Variants in CFAP58 observed in about 807,000 individuals in gnomAD.
The protein encoded by CFAP58 is cilia- and flagella-associated protein 58.
In CFAP58, 88 loss-of-function variants were observed where a neutral mutation model predicts 119.5. The observed-to-expected ratio is 0.74, with a 90% CI of 0.62 to 0.88. CFAP58 has a LOEUF of 0.88. Among genes scored for constraint, CFAP58 ranks in the 40% least tolerant of loss-of-function variants. The pLI is 0.00. For missense variants in CFAP58, 990 were observed against 1,021.2 expected (o/e 0.97, Z 0.42); for synonymous variants, 365 against 366.3 (o/e 1.00, Z 0.04).
intron 9 of CFAP58, among the ~76,000 whole-genome samples, chr10:104,390,965 TA>T (rs2012027956): frequency 6.6e-6 from 1 of 152,174 alleles, no homozygotes; most frequent in Non-Finnish European, 1.5e-5. Context: ...TAAGCACCTG[TA>T]AAAAAATTTT....
In CFAP58 at chr10:104,407,425, C is replaced by G. The variant is rs187707088; in HGVS notation, c.2256+632C>G. Among the ~76,000 whole-genome samples, 58 of 152,284 alleles carry G rather than the reference C, an allele frequency of 3.8e-4. No individual in the cohort carries two copies. In the East Asian group the frequency reaches 9.7e-3, roughly 25 times the overall value. ...AGGAAGCAGGTGTGGTCATCCCCAG[C>G]TGATGACCGAGGAAGTCAGCGCCCA... On this transcript the variant is annotated intron_variant, in intron 15 of 17. Coordinates refer to ENST00000369704, the MANE Select transcript of CFAP58 (RefSeq NM_001008723.2).
chr10:104,445,920 C>A (rs1169069163), intron 15 of CFAP58, among the ~76,000 whole-genome samples: 1 of 152,186 alleles, frequency 6.6e-6, no homozygotes, highest in Admixed American at 6.5e-5. Context: ...ATGGTCTTTT[C>A]AGTTTAAGAC....
intron 15 of CFAP58, among the ~76,000 whole-genome samples, chr10:104,430,159 A>G (rs945565614): frequency 6.6e-6 from 1 of 152,202 alleles, no homozygotes; most frequent in African/African-American, 2.4e-5. Flanking sequence ...ACAATAGTTA[A>G]AAGACACGAA....
chr10:104,439,400 CCA>C (rs1169673978), intron 15 of CFAP58, among the ~76,000 whole-genome samples: 1 of 151,752 alleles, frequency 6.6e-6, no homozygotes, highest in Non-Finnish European at 1.5e-5. Flanking sequence ...TCAAAAAACC[CCA>C]GTCATTTTAA....
chr10:104,447,919 A>G (rs770357606), intron 16 of CFAP58, 102 bp downstream of exon 16: 24 of 1,395,726 alleles, frequency 1.7e-5, no homozygotes, highest in Non-Finnish European at 2.3e-5. Flanking sequence ...CAGTCTCTCA[A>G]TGCCACGATC....
At chr10:104,431,577 C>T (rs2012848396) in intron 15 of CFAP58, among the ~76,000 whole-genome samples, 1 of 151,986 alleles carries the variant, frequency 6.6e-6, no homozygotes, top group Non-Finnish European at 1.5e-5. Context: ...CTCTATTCAC[C>T]CAAAATAGTA....
chr10:104,353,801 A>C, upstream of CFAP58: 5 of 1,466,732 alleles, frequency 3.4e-6, no homozygotes, highest in Non-Finnish European at 4.7e-6. Context: ...CGGGCGATAG[A>C]GACAGCGCGT....
At chr10:104,443,138 A>G (rs920484696) in intron 15 of CFAP58, among the ~76,000 whole-genome samples, 2 of 152,228 alleles carry the variant, frequency 1.3e-5, no homozygotes, top group Admixed American at 6.5e-5. Flanking sequence ...TCAGTTGGAG[A>G]GAAATAATGG....
chr10:104,368,036 C>T (rs1033618817), intron 5 of CFAP58, among the ~76,000 whole-genome samples: 8 of 152,260 alleles, frequency 5.3e-5, no homozygotes, highest in Admixed American at 1.3e-4. Flanking sequence ...GATGTAGCTT[C>T]CGAGCCCCAC....
intron 15 of CFAP58, among the ~76,000 whole-genome samples, chr10:104,421,595 TC>T (rs2012659038): frequency 6.6e-6 from 1 of 152,158 alleles, no homozygotes; most frequent in Non-Finnish European, 1.5e-5. Context: ...TACAGAAAAT[TC>T]CCAGCTCAAT....
rs1041608194 is a variant in CFAP58, at chr10:104,382,356, T to C, written c.1365+2136T>C. The C allele has an allele frequency of 5.4e-6, 3 of 554,224 alleles. No homozygotes were observed. The African/African-American group carries it at 5.6e-5, about 10-fold the overall frequency. 34.3% of individuals were successfully genotyped at this position (554,224 alleles called of 1,614,324 possible). A position where few individuals can be genotyped will look rare whatever the true frequency, so the allele number is the denominator to read the frequency against. On this transcript the variant is annotated intron_variant, in intron 9 of 17. Coordinates refer to ENST00000369704, the MANE Select transcript of CFAP58 (RefSeq NM_001008723.2). ...GCAGCAAATATATTTGAACATAAAA[T>C]GTCATCTGTTGCAGCCTCCAGTTTC...
chr10:104,442,947 A>T (rs932508107), intron 15 of CFAP58, among the ~76,000 whole-genome samples: 8 of 152,238 alleles, frequency 5.3e-5, no homozygotes, highest in South Asian at 2.1e-4. Flanking sequence ...CAACACAAAT[A>T]TATCTGTACC....
At chr10:104,364,156 G>A (rs1163009798) in intron 3 of CFAP58, among the ~76,000 whole-genome samples, 1 of 152,084 alleles carries the variant, frequency 6.6e-6, no homozygotes, top group African/African-American at 2.4e-5. Flanking sequence ...TAGAAAACTA[G>A]CAATGCATAT....
chr10:104,353,960 C>G, intron 1 of CFAP58, 54 bp downstream of exon 1: 1 of 1,597,438 alleles, frequency 6.3e-7, no homozygotes, highest in Non-Finnish European at 8.6e-7. Flanking sequence ...CCCATTGTCC[C>G]TCTCCTACTG....
chr10:104,388,734 G>C (rs548084697), intron 9 of CFAP58, among the ~76,000 whole-genome samples: 147 of 152,306 alleles, frequency 9.7e-4, no homozygotes, highest in Non-Finnish European at 1.7e-3. Context: ...CTTGGTCTAT[G>C]TGATGTTTTG....
At chr10:104,411,164 T>C (rs1020318659) in intron 15 of CFAP58, among the ~76,000 whole-genome samples, 9 of 152,316 alleles carry the variant, frequency 5.9e-5, no homozygotes, top group African/African-American at 2.2e-4. Flanking sequence ...GGTCTCGAAC[T>C]CCTGACCTCA....
At chr10:104,405,133 G>A (rs1179216480) in intron 14 of CFAP58, among the ~76,000 whole-genome samples, 1 of 152,212 alleles carries the variant, frequency 6.6e-6, no homozygotes, top group African/African-American at 2.4e-5. Flanking sequence ...TAAACATGAG[G>A]CCTGAATTTT....
At chr10:104,436,483 G>A (rs538226684) in intron 15 of CFAP58, among the ~76,000 whole-genome samples, 17 of 152,274 alleles carry the variant, frequency 1.1e-4, no homozygotes, top group African/African-American at 3.9e-4. Context: ...AGCTTCTGGG[G>A]AGGCCTCAGC....
chr10:104,378,873 A>G (rs2011722945), intron 8 of CFAP58, among the ~76,000 whole-genome samples: 1 of 151,842 alleles, frequency 6.6e-6, no homozygotes, highest in African/African-American at 2.4e-5. Flanking sequence ...AGCCAACCCA[A>G]GATGTTTCCT....
Sources: gnomAD v4.1 joint callset for allele counts (sites outside exome capture counted in the v4.1 genomes callset) on GRCh38, gnomAD v4.1.1 for gene constraint, MANE v1.5 for transcripts, NCBI Gene and HGNC (gene_info 2026-07-23, HGNC 2026-07-21) for gene names.